The following WWP2 variants were observed in gnomAD, a reference collection of about 807,000 sequenced individuals.
The protein encoded by WWP2 is NEDD4-like E3 ubiquitin-protein ligase WWP2.
Under a neutral mutation model 121.0 loss-of-function variants are expected in WWP2, and 57 were observed. That is an observed-to-expected ratio of 0.47 (90% CI 0.38 to 0.59). The LOEUF (loss-of-function observed/expected upper bound fraction) is 0.59. WWP2 is among the 20% of genes least tolerant of loss of function. WWP2 has a pLI of 0.00. For synonymous variants in WWP2, 449 were observed against 441.3 expected (o/e 1.02, Z -0.22); for missense variants, 962 against 1,158.9 (o/e 0.83, Z 2.47).
At chr16:69,833,816 C>T (rs908500277) in intron 4 of WWP2, among the ~76,000 whole-genome samples, 2 of 152,180 alleles carry the variant, frequency 1.3e-5, no homozygotes, top group African/African-American at 4.8e-5. Flanking sequence ...GCACTGTTTG[C>T]AGCCCCTGCC....
At chr16:69,836,153 A>G (rs867336315) in intron 4 of WWP2, among the ~76,000 whole-genome samples, 1 of 152,210 alleles carries the variant, frequency 6.6e-6, no homozygotes, top group African/African-American at 2.4e-5. Context: ...AATAATTTCA[A>G]ACATCATCTA....
rs559182472 is a variant in WWP2 at position 69,806,616 on chromosome 16, G to T, written c.340+7321G>T. 2.0e-5 allele frequency among the ~76,000 whole-genome samples: 3 copies of T among 151,704 alleles called. No individual in the cohort carries two copies. The South Asian group carries it at 6.3e-4, about 32-fold the overall frequency. ...AATTACTGGTTTGTTCAGCTTCTTT[G>T]TTTCGTCTTGACTCAATTTTGTTAA... On this transcript the variant is annotated intron_variant, in intron 4 of 23. Coordinates refer to ENST00000359154, the MANE Select transcript of WWP2 (RefSeq NM_001270454.2).
rs1597177823 is a variant in WWP2 at position 69,930,400 on chromosome 16, C to T, written c.1445+142C>T. On this transcript the variant is annotated intron_variant, in intron 13 of 23. Transcript: ENST00000359154. ...GCCCTCTAGTGGCCAATGTTGATGTCATATTAAAGGGGATGGGAGGATAGC... is the reference window on the plus strand; with the variant it reads ...GCCCTCTAGTGGCCAATGTTGATGTTATATTAAAGGGGATGGGAGGATAGC... The T allele has an allele frequency of 2.2e-6, 3 of 1,334,982 alleles. No homozygotes were observed. In the East Asian group the frequency reaches 7.6e-5, roughly 34 times the overall value. 82.7% of individuals were successfully genotyped at this position (1,334,982 alleles called of 1,614,324 possible).
At chr16:69,882,538 C>T (rs184534798) in intron 7 of WWP2, among the ~76,000 whole-genome samples, 48 of 152,258 alleles carry the variant, frequency 3.2e-4, no homozygotes, top group African/African-American at 1.0e-3. Flanking sequence ...AAGTTGAAAC[C>T]ACACATCAGC....
At chr16:69,909,164 A>G (rs1333836529) in intron 9 of WWP2, 1 of 1,045,654 alleles carries the variant, frequency 9.6e-7, no homozygotes, top group East Asian at 7.7e-5. Flanking sequence ...GGGCTTCGTG[A>G]GAATGCCGCC....
chr16:69,781,998 C>T (rs530719936), intron 1 of WWP2, among the ~76,000 whole-genome samples: 26 of 152,048 alleles, frequency 1.7e-4, no homozygotes, highest in Non-Finnish European at 2.2e-4. Flanking sequence ...ATTAAATTTT[C>T]GGAGCCGGGC....
Position 69,925,621 on chromosome 16 carries a change from A to G in WWP2, c.1234+137A>G. The G allele has an allele frequency of 8.3e-7, 1 of 1,198,952 alleles. No individual in the cohort carries two copies. Among genetic ancestry groups the G allele is most frequent in the Non-Finnish European group, 1.1e-6 (1 of 874,918 alleles). 74.3% of individuals were successfully genotyped at this position (1,198,952 alleles called of 1,614,324 possible). A position where few individuals can be genotyped will look rare whatever the true frequency, so the allele number is the denominator to read the frequency against. Reference sequence around the variant, plus strand: ...CCCCTCTCCAGCACACTCTCTGGGCATGCCCCACCAGAGCAATTACAGGTG... The same window carrying G: ...CCCCTCTCCAGCACACTCTCTGGGCGTGCCCCACCAGAGCAATTACAGGTG... On this transcript the variant is annotated intron_variant, in intron 11 of 23. Transcript: ENST00000359154. The surrounding 1 kb of genome is among the most constrained non-coding windows in gnomAD (Gnocchi z 4.0).
At chr16:69,810,574 C>A (rs2056371726) in intron 4 of WWP2, among the ~76,000 whole-genome samples, 1 of 151,376 alleles carries the variant, frequency 6.6e-6, no homozygotes, top group Non-Finnish European at 1.5e-5. Flanking sequence ...ACTATAGGCA[C>A]CCACCACCAC....
chr16:69,865,047 T>C (rs2057495613), intron 6 of WWP2, among the ~76,000 whole-genome samples: 1 of 152,100 alleles, frequency 6.6e-6, no homozygotes, highest in African/African-American at 2.4e-5. Context: ...TTTGGTGATG[T>C]GTCTGTTCAA....
chr16:69,912,974 A>ATG (rs2058413042), intron 9 of WWP2, among the ~76,000 whole-genome samples: 1 of 4,374 alleles, frequency 2.3e-4, no homozygotes, highest in African/African-American at 8.1e-4. Flanking sequence ...ATATATATAT[A>ATG]TATATATATA....
Position 69,824,601 on chromosome 16 carries a change from A to G in WWP2, c.341-15525A>G, listed in dbSNP as rs185395119. On this transcript the variant is annotated intron_variant, in intron 4 of 23. Transcript: ENST00000359154. ...TCTCTCCCTCAATTAATTAATGTTT[A>G]TAACACATGTATTGCATGAATTCAT... 5.2e-3 allele frequency among the ~76,000 whole-genome samples: 720 copies of G among 139,028 alleles called. 2 individuals carry two copies. Among genetic ancestry groups the G allele is most frequent in the Non-Finnish European group, 7.1e-3 (469 of 66,158 alleles). The allele number at this position is 139,028 out of a possible 152,430, so 91.2% of individuals were successfully genotyped here. A position where few individuals can be genotyped will look rare whatever the true frequency, so the allele number is the denominator to read the frequency against.
rs761502608 is a variant in WWP2 at position 69,937,198 on chromosome 16, C to T, written c.2198C>T (p.Pro733Leu). 4.3e-6 allele frequency: 7 copies of T among 1,613,752 alleles called. No homozygotes were observed. Among genetic ancestry groups the T allele is most frequent in the African/African-American group, 4.0e-5 (3 of 74,828 alleles). Residue 733 changes from proline to leucine, a missense_variant, in exon 20 of 24, where the codon CCG (proline) becomes CTG (leucine). Transcript: ENST00000359154. This position sits in a 1 kb window ranked among gnomAD's most constrained non-coding sequence, Gnocchi z 6.6. ...AFLDGFNEVAPLEWLRYFDEK... is the reference protein window; with the variant it reads ...AFLDGFNEVALLEWLRYFDEK... ...CTGGATGGCTTCAACGAGGTGGCCC[C>T]GCTGGAGTGGCTGCGCTACTTTGAC...
intron 9 of WWP2, among the ~76,000 whole-genome samples, chr16:69,916,198 T>C (rs1181507460): frequency 6.6e-6 from 1 of 152,022 alleles, no homozygotes; most frequent in Non-Finnish European, 1.5e-5. Context: ...GTTGTTGTTG[T>C]TGTTGTTGTT....
chr16:69,864,513 T>C (rs570676317), intron 6 of WWP2, among the ~76,000 whole-genome samples: 1 of 152,274 alleles, frequency 6.6e-6, no homozygotes, highest in African/African-American at 2.4e-5. Flanking sequence ...TGCATCCTAA[T>C]CCAGACTTAT....
Position 69,937,455 on chromosome 16 carries a change from A to G in WWP2, c.2239-93A>G, listed in dbSNP as rs1041023110. 7.1e-7 allele frequency: 1 copy of G among 1,417,710 alleles called. No individual in the cohort carries two copies. Among genetic ancestry groups the G allele is most frequent in the South Asian group, 1.2e-5 (1 of 82,514 alleles). The allele number at this position is 1,417,710 out of a possible 1,614,324, so 87.8% of individuals were successfully genotyped here. On this transcript the variant is annotated intron_variant, in intron 20 of 23. Transcript: ENST00000359154. This position sits in a 1 kb window ranked among gnomAD's most constrained non-coding sequence, Gnocchi z 6.6. ...ATTAACGCTGACACCAAAAATAGCTAGTTGAATATGTTTGGGGTAATGTCA... is the reference window on the plus strand; with the variant it reads ...ATTAACGCTGACACCAAAAATAGCTGGTTGAATATGTTTGGGGTAATGTCA...
rs775784524 is a variant in WWP2 at position 69,939,101 on chromosome 16, C to A, written c.2418C>A (p.Val806=). Residue 806 remains valine, a synonymous_variant, in exon 22 of 24, where the codon GTC becomes GTA. Coordinates refer to ENST00000359154, the MANE Select transcript of WWP2 (RefSeq NM_001270454.2). ...QFVTGTCRLP[V]GGFAELIGSN... is the part of the protein sequence containing the mutation. The stretch of plus-strand genomic sequence containing the variant: ...TCACCGGTACCTGCCGCCTGCCCGT[C>A]GGGGGATTTGCCGAACTCATCGGTA... The A allele has an allele frequency of 1.2e-6, 2 of 1,603,912 alleles. No homozygotes were observed. The highest frequency in any genetic ancestry group is 1.7e-6 in the Non-Finnish European group (2 of 1,174,678).
At chr16:69,839,897 T>C (rs2056943425) in intron 4 of WWP2, among the ~76,000 whole-genome samples, 1 of 152,216 alleles carries the variant, frequency 6.6e-6, no homozygotes, top group Non-Finnish European at 1.5e-5. Context: ...CCCAGTGATA[T>C]GAAATGTTTA....
At chr16:69,836,045 C>T (rs1218491453) in intron 4 of WWP2, among the ~76,000 whole-genome samples, 1 of 152,116 alleles carries the variant, frequency 6.6e-6, no homozygotes, top group African/African-American at 2.4e-5. Flanking sequence ...TCAGGTGATC[C>T]ACCCACCTCG....
intron 4 of WWP2, among the ~76,000 whole-genome samples, chr16:69,828,345 A>G (rs1023548019): frequency 6.6e-6 from 1 of 151,970 alleles, no homozygotes; most frequent in Admixed American, 6.6e-5. Context: ...CTTTCTTGCA[A>G]GGTCATCATC....
Sources: allele counts gnomAD v4.1 joint callset (sites outside exome capture counted in the v4.1 genomes callset), GRCh38; gene constraint gnomAD v4.1.1; non-coding constraint Gnocchi (gnomAD v3.1); transcripts MANE v1.5; gene names NCBI Gene and HGNC (gene_info 2026-07-23, HGNC 2026-07-21).